The following SNAP91 variants were observed in gnomAD, a reference collection of about 807,000 sequenced individuals.
SNAP91 encodes the protein clathrin coat assembly protein AP180.
SNAP91 carries 27 observed loss-of-function variants against 100.3 expected under a neutral mutation model. The ratio of observed to expected loss-of-function variants is 0.27; its 90% confidence interval spans 0.20 to 0.37. SNAP91 has a LOEUF of 0.37. Ranked by LOEUF, SNAP91 falls within the 10% of genes least tolerant of loss-of-function variation. The pLI, the probability that SNAP91 is intolerant of heterozygous loss-of-function variation, is 1.00. For synonymous variants in SNAP91, 404 were observed against 398.6 expected (o/e 1.01, Z -0.16); for missense variants, 986 against 1,123.7 (o/e 0.88, Z 1.75).
At chr6:83,669,093 C>T (rs777093351) in intron 2 of SNAP91, among the ~76,000 whole-genome samples, 3 of 151,870 alleles carry the variant, frequency 2.0e-5, no homozygotes, top group Non-Finnish European at 2.9e-5. Flanking sequence ...CTGTACTGAA[C>T]GTGAAAAACA....
intron 28 of SNAP91, among the ~76,000 whole-genome samples, chr6:83,556,984 G>A (rs1362165282): frequency 6.6e-6 from 1 of 152,094 alleles, no homozygotes; most frequent in African/African-American, 2.4e-5. Flanking sequence ...TCTCAGAGAA[G>A]GCCAAAACTA....
chr6:83,637,395 G>T (rs142939220), intron 8 of SNAP91, among the ~76,000 whole-genome samples: 3 of 152,276 alleles, frequency 2.0e-5, no homozygotes, highest in East Asian at 3.9e-4. Context: ...CTAGCGGTCT[G>T]GTGTTGCAGT....
At chr6:83,667,272 TTGTAG>T (rs1470071070) in intron 2 of SNAP91, among the ~76,000 whole-genome samples, 1 of 152,062 alleles carries the variant, frequency 6.6e-6, no homozygotes, top group African/African-American at 2.4e-5. Flanking sequence ...ACTTGGAGAA[TTGTAG>T]TGTAGTATCA....
At chr6:83,622,230 T>TAAAAA in intron 9 of SNAP91, among the ~76,000 whole-genome samples, 6 of 152,078 alleles carry the variant, frequency 3.9e-5, no homozygotes, top group African/African-American at 1.2e-4. Context: ...AATGCCATCA[T>TAAAAA]GTTCTGGATT....
At chr6:83,704,899 C>A (rs1394248544) in intron 2 of SNAP91, among the ~76,000 whole-genome samples, 1 of 152,098 alleles carries the variant, frequency 6.6e-6, no homozygotes, top group Non-Finnish European at 1.5e-5. Context: ...ATCTTCAATG[C>A]CTATAAAGAA....
intron 8 of SNAP91, among the ~76,000 whole-genome samples, chr6:83,629,850 CTT>C (rs1036147820): frequency 6.6e-6 from 1 of 151,914 alleles, no homozygotes; most frequent in African/African-American, 2.4e-5. Flanking sequence ...ATTTCGTACT[CTT>C]GTTTGATTGC....
At chr6:83,586,367 G>C (rs1371531465) in intron 22 of SNAP91, among the ~76,000 whole-genome samples, 2 of 152,194 alleles carry the variant, frequency 1.3e-5, no homozygotes, top group African/African-American at 2.4e-5. Context: ...GGCCTCATAG[G>C]CTGGACCATA....
At chr6:83,567,917 C>G (rs1799304960) in intron 26 of SNAP91, among the ~76,000 whole-genome samples, 1 of 152,024 alleles carries the variant, frequency 6.6e-6, no homozygotes, top group Admixed American at 6.6e-5. Flanking sequence ...CTAGTTCAAC[C>G]ATTGTGGAAG....
chr6:83,552,952 G>A lies in SNAP91; in HGVS notation c.*1344C>T, dbSNP rs1372891117. 6.6e-6 allele frequency: 1 copy of A among 152,536 alleles called. No individual in the cohort carries two copies. The highest frequency in any genetic ancestry group is 1.5e-5 in the Non-Finnish European group (1 of 68,008). The allele number at this position is 152,536 out of a possible 1,614,324, so 9.4% of individuals were successfully genotyped here. A position where few individuals can be genotyped will look rare whatever the true frequency, so the allele number is the denominator to read the frequency against. ...CGTACATGCACTGGGTTTTTAAACT[G>A]AAATACAAAGAAAGCCATTTTGAAA... On this transcript the variant is annotated 3_prime_UTR_variant, in exon 30 of 30. Coordinates refer to ENST00000369694, the MANE Select transcript of SNAP91 (RefSeq NM_001242792.2).
At chr6:83,588,857 A>G (rs1395530737) in intron 22 of SNAP91, among the ~76,000 whole-genome samples, 1 of 152,142 alleles carries the variant, frequency 6.6e-6, no homozygotes, top group Non-Finnish European at 1.5e-5. Context: ...GGAGTAGACA[A>G]TGTGGCTGTG....
chr6:83,601,521 T>C (rs2095222177), intron 15 of SNAP91, 64 bp downstream of exon 15: 1 of 1,610,720 alleles, frequency 6.2e-7, no homozygotes, highest in African/African-American at 1.3e-5. Flanking sequence ...ATGATCAAAA[T>C]AAGGACAGTT....
chr6:83,609,016 G>GT (rs1372873776), intron 12 of SNAP91, among the ~76,000 whole-genome samples: 1 of 152,066 alleles, frequency 6.6e-6, no homozygotes, highest in East Asian at 1.9e-4. Flanking sequence ...CTAAGAAAAG[G>GT]TTTTTAAAAG....
At chr6:83,682,172 C>CTTTTTTTTTTTTT (rs59549595) in intron 2 of SNAP91, among the ~76,000 whole-genome samples, 1 of 123,500 alleles carries the variant, frequency 8.1e-6, no homozygotes, top group Non-Finnish European at 1.6e-5. Flanking sequence ...TTCTTTAATT[C>CTTTTTTTTTTTTT]TTTTTTTTTT....
chr6:83,679,276 T>C (rs953038709), intron 2 of SNAP91, among the ~76,000 whole-genome samples: 2 of 152,130 alleles, frequency 1.3e-5, no homozygotes, highest in Admixed American at 1.3e-4. Flanking sequence ...CAATCCACCA[T>C]AGATACTCAG....
rs575934250 is a variant in SNAP91, at chr6:83,576,362, T to C, written c.2300-309A>G. Among the ~76,000 whole-genome samples, 6 of 152,330 alleles carry C rather than the reference T, an allele frequency of 3.9e-5. No homozygotes were observed. In the South Asian group the frequency reaches 1.0e-3, roughly 26 times the overall value. ...ATCTGGGAACTTGGTTAGTAAATTG[T>C]TCTCTATACTAGGATAAAACTTGCC... On this transcript the variant is annotated intron_variant, in intron 24 of 29. Coordinates refer to ENST00000369694, the MANE Select transcript of SNAP91 (RefSeq NM_001242792.2).
intron 2 of SNAP91, among the ~76,000 whole-genome samples, chr6:83,680,159 G>A (rs1013515830): frequency 2.0e-5 from 3 of 151,910 alleles, no homozygotes; most frequent in Non-Finnish European, 2.9e-5. Context: ...AAAAATTTAG[G>A]ATTAAAGAGT....
intron 2 of SNAP91, among the ~76,000 whole-genome samples, chr6:83,693,737 A>G (rs1422767582): frequency 1.3e-5 from 2 of 152,244 alleles, no homozygotes; most frequent in Admixed American, 1.3e-4. Context: ...TCCCTAGGGC[A>G]TAACAATACA....
chr6:83,646,342 T>A (rs2097916219), intron 7 of SNAP91, among the ~76,000 whole-genome samples: 1 of 152,186 alleles, frequency 6.6e-6, no homozygotes, highest in Non-Finnish European at 1.5e-5. Flanking sequence ...CCTTCCAGGA[T>A]GTTTATAGTT....
intron 22 of SNAP91, 60 bp downstream of exon 22, chr6:83,591,151 G>T: frequency 1.8e-6 from 2 of 1,085,118 alleles, no homozygotes; most frequent in Non-Finnish European, 2.8e-6. Flanking sequence ...TTTTATAATT[G>T]TTACTTATAA....
Sources: gnomAD v4.1 joint callset for allele counts (sites outside exome capture counted in the v4.1 genomes callset) on GRCh38, gnomAD v4.1.1 for gene constraint, MANE v1.5 for transcripts, NCBI Gene and HGNC (gene_info 2026-07-23, HGNC 2026-07-21) for gene names.